The following MUC4 variants were observed in gnomAD, a reference collection of about 807,000 sequenced individuals.
MUC4 encodes the protein mucin 4, cell surface associated, also known as mucin-4.
In MUC4, 202 loss-of-function variants were observed where a neutral mutation model predicts 257.9. That is an observed-to-expected ratio of 0.78 (90% CI 0.70 to 0.88). The LOEUF (loss-of-function observed/expected upper bound fraction) is 0.88. MUC4 is among the 40% of genes least tolerant of loss of function. The probability of loss-of-function intolerance (pLI) is 0.00; values close to 1 mark genes in which losing one functional copy is unlikely to be tolerated. For missense variants in MUC4, 5,976 were observed against 6,513.7 expected, an observed-to-expected ratio of 0.92 and a Z score of 2.84; for synonymous variants, 2,351 against 2,757.1, an observed-to-expected ratio of 0.85 and a Z score of 4.62.
rs369879162 is a variant in MUC4, at chr3:195,755,006, GCTTGAAAA to G, written c.15169-642_15169-635del. 6.3e-4 allele frequency among the ~76,000 whole-genome samples: 35 copies of G among 55,560 alleles called. No individual in the cohort carries two copies. The highest frequency in any genetic ancestry group is 1.1e-3 in the Admixed American group (6 of 5,710). The allele number at this position is 55,560 out of a possible 152,430, so 36.4% of individuals were successfully genotyped here. ...TGTATGTATCCATGTATGTCCTATTGCTTGAAAACTGGATTCCTTATTTATTTTGAGAC... is the reference window on the plus strand; with the variant it reads ...TGTATGTATCCATGTATGTCCTATTGCTGGATTCCTTATTTATTTTGAGAC... On this transcript the variant is annotated intron_variant, in intron 18 of 24. Coordinates refer to ENST00000463781, the MANE Select transcript of MUC4 (RefSeq NM_018406.7). This position sits in a 1 kb window ranked among gnomAD's most constrained non-coding sequence, Gnocchi z 5.0.
At position 195,790,118 on chromosome 3, in the gene MUC4, A is replaced by T; in HGVS notation, c.1462T>A (p.Trp488Arg). ...CCTTTGCTGGAGAATGAGGAAGGCC[A>T]TGTTGTTGTTTCATGTAGAGTAAAT... ...EIFTLHETTT[W>R]PSSFSSKGHT... Residue 488 changes from tryptophan to arginine, a missense_variant, in exon 2 of 25, where the codon TGG (tryptophan) becomes AGG (arginine). Trp to Arg is a moderately radical substitution (Grantham distance 101). Transcript: ENST00000463781. 6.2e-7 allele frequency: 1 copy of T among 1,613,994 alleles called. No individual in the cohort carries two copies. The highest frequency in any genetic ancestry group is 1.1e-5 in the South Asian group (1 of 91,086).
chr3:195,762,399 C>T (rs1358901092), intron 13 of MUC4, 145 bp from the exon 14 acceptor site: 17 of 909,204 alleles, frequency 1.9e-5, no homozygotes, highest in Non-Finnish European at 2.6e-5. Context: ...GAGAAGAGGC[C>T]GGCGAGCTGC....
At chr3:195,808,407 G>C (rs556880714) in intron 1 of MUC4, among the ~76,000 whole-genome samples, 20 of 152,102 alleles carry the variant, frequency 1.3e-4, no homozygotes, top group Non-Finnish European at 2.6e-4. Context: ...GTGGAGACAG[G>C]GTTGGCCAAG....
Position 195,788,771 on chromosome 3 carries a change from G to A in MUC4, c.2809C>T (p.Pro937Ser), listed in dbSNP as rs758163619. Reference sequence around the variant, plus strand: ...GTGGATGTGATCGATGGAGGTGTGGGTGGGACTGTTGAGAAGGTGTCGGTT... The same window carrying A: ...GTGGATGTGATCGATGGAGGTGTGGATGGGACTGTTGAGAAGGTGTCGGTT... Reference protein sequence around the residue: ...QATDTFSTVPPTPPSITSTGL... With the variant: ...QATDTFSTVPSTPPSITSTGL... Residue 937 changes from proline (P) to serine (S), a missense_variant, in exon 2 of 25, where the codon CCC becomes TCC. Pro to Ser is a moderately conservative substitution (Grantham distance 74, BLOSUM62 -1). Coordinates refer to ENST00000463781, the MANE Select transcript of MUC4 (RefSeq NM_018406.7). 1 of 1,613,824 alleles carries A rather than the reference G, an allele frequency of 6.2e-7. No individual in the cohort carries two copies. The highest frequency in any genetic ancestry group is 8.5e-7 in the Non-Finnish European group (1 of 1,179,862).
At chr3:195,805,609 G>A (rs962590673) in intron 1 of MUC4, among the ~76,000 whole-genome samples, 4 of 152,108 alleles carry the variant, frequency 2.6e-5, no homozygotes, top group Non-Finnish European at 5.9e-5. Flanking sequence ...TGCTTCTCCT[G>A]CCTCAGCCTC....
chr3:195,751,440 G>A, intron 21 of MUC4, 169 bp from the exon 22 acceptor site: 2 of 637,278 alleles, frequency 3.1e-6, no homozygotes, highest in Admixed American at 2.6e-5. Flanking sequence ...GCCTAGCTCA[G>A]TGAGTGTCAT....
intron 1 of MUC4, chr3:195,809,892 G>C (rs1736473385): frequency 6.6e-6 from 1 of 152,332 alleles, no homozygotes; most frequent in African/African-American, 2.4e-5. Context: ...GCAGGGCCTG[G>C]TCACAGGGGC....
At chr3:195,767,522 C>CCACCACCACCATCATCATCACCAT (rs1720968533) in intron 7 of MUC4, among the ~76,000 whole-genome samples, 1 of 115,248 alleles carries the variant, frequency 8.7e-6, no homozygotes, top group Non-Finnish European at 1.8e-5. Flanking sequence ...ACCATCACCA[C>CCACCACCACCATCATCATCACCAT]CACCATCGCC....
At position 195,780,485 on chromosome 3, in the gene MUC4, CA is replaced by C; in HGVS notation, c.11094del (p.Val3699SerfsTer560). 6.5e-7 allele frequency: 1 copy of C among 1,527,876 alleles called. No individual in the cohort carries two copies. The highest frequency in any genetic ancestry group is 8.8e-7 in the Non-Finnish European group (1 of 1,141,304). The allele number at this position is 1,527,876 out of a possible 1,614,324, so 94.6% of individuals were successfully genotyped here. Reference sequence around the variant, plus strand: ...GAGGATGATGAGGAAGGGATGGTGACAGGAAGAGGGGTGGCCTGACCTGTGG... The same window carrying C: ...GAGGATGATGAGGAAGGGATGGTGACGGAAGAGGGGTGGCCTGACCTGTGG... ...SASTGQATPL[P>X]VTIPSSSSSG... is the part of the protein sequence containing the mutation. On this transcript the variant is annotated frameshift_variant, in exon 2 of 25. Coordinates refer to ENST00000463781, the MANE Select transcript of MUC4 (RefSeq NM_018406.7). LOFTEE classifies it high-confidence loss of function.
At position 195,789,573 on chromosome 3, in the gene MUC4, A is replaced by C; in HGVS notation, c.2007T>G (p.Ser669=). Residue 669 remains serine, a synonymous_variant, in exon 2 of 25, where the codon TCT becomes TCG. Coordinates refer to ENST00000463781, the MANE Select transcript of MUC4 (RefSeq NM_018406.7). ...GCGAGTGCCCACTGGCTGTGAAGGA[A>C]GAACCTGGGGTGGTGACTGTCTTGG... ...TDTKTVTTPG[S]SFTASGHSPS... is the part of the protein sequence containing the mutation. 6.2e-7 allele frequency: 1 copy of C among 1,613,840 alleles called. No individual in the cohort carries two copies. Among genetic ancestry groups the C allele is most frequent in the Non-Finnish European group, 8.5e-7 (1 of 1,179,848 alleles).
Position 195,782,897 on chromosome 3 carries a change from T to G in MUC4, c.8683A>C (p.Thr2895Pro), listed in dbSNP as rs747495329. 6.6e-7 allele frequency: 1 copy of G among 1,517,466 alleles called. No individual in the cohort carries two copies. The highest frequency in any genetic ancestry group is 8.9e-7 in the Non-Finnish European group (1 of 1,125,662). The allele number at this position is 1,517,466 out of a possible 1,614,324, so 94.0% of individuals were successfully genotyped here. ...DASSVSTGHA[T>P]PLPLTSLSSV... is the part of the protein sequence containing the mutation. ...GAAAGGCTGGTGAGAGGAAGAGGGG[T>G]AGCGTGACCTGTGGACACTGAGGAA... The change falls in exon 2 of 25, where the codon ACC (threonine) becomes CCC (proline). Residue 2895 changes from threonine (T) to proline (P), a missense_variant. Around this residue, in one of 44 missense-constraint regions of MUC4, gnomAD observed 228 missense variants for 206.3 expected, o/e 1.11. Coordinates refer to ENST00000463781, the MANE Select transcript of MUC4 (RefSeq NM_018406.7).
At chr3:195,766,161 A>G (rs1308879789) in intron 8 of MUC4, among the ~76,000 whole-genome samples, 1 of 152,102 alleles carries the variant, frequency 6.6e-6, no homozygotes, top group African/African-American at 2.4e-5. Context: ...GAATTTCACC[A>G]TGTTGGCCAG....
intron 3 of MUC4, among the ~76,000 whole-genome samples, chr3:195,775,247 T>A (rs1724110959): frequency 6.6e-6 from 1 of 152,072 alleles, no homozygotes; most frequent in African/African-American, 2.4e-5. Context: ...CTGGCTCCCG[T>A]TGCCTACAGG....
chr3:195,750,941 G>A lies in MUC4; in HGVS notation c.15819C>T (p.Asn5273=), dbSNP rs773068981. The stretch of plus-strand genomic sequence containing the variant: ...CGGAGATGGGCTGGAAGACCACGTC[G>A]TTCCTGGGCTCCTCACTCCTCCGTG... ...HVPRRSEEPR[N]DVVFQPISGE... The change falls in exon 23 of 25, where the codon AAC becomes AAT. Residue 5273 remains asparagine, a synonymous_variant. Coordinates refer to ENST00000463781, the MANE Select transcript of MUC4 (RefSeq NM_018406.7). 9 of 1,613,922 alleles carry A rather than the reference G, an allele frequency of 5.6e-6. No homozygotes were observed. The highest frequency in any genetic ancestry group is 4.0e-5 in the African/African-American group (3 of 74,906).
intron 6 of MUC4, 141 bp downstream of exon 6, chr3:195,770,075 G>C: frequency 1.1e-6 from 1 of 870,884 alleles, no homozygotes; most frequent in South Asian, 2.1e-5. Context: ...GTGGCAGTGG[G>C]GGGGTGGCGG....
Position 195,749,059 on chromosome 3 carries a change from C to T in MUC4, c.15877G>A (p.Val5293Met), listed in dbSNP as rs146801616. The change falls in exon 24 of 25, where the codon GTG becomes ATG. Residue 5293 changes from valine (V) to methionine (M), a missense_variant. Val to Met is a conservative substitution (Grantham distance 21, BLOSUM62 1). Transcript: ENST00000463781. ...EDVRDVTALN[V>M]STLKAYFRCD... ...CTGAAGTAAGCCTTCAGCGTGCTCA[C>T]GTTCACTGTCGGGAAGGACACAGAT... is the stretch of plus-strand genomic sequence containing the variant. 17 of 1,606,716 alleles carry T rather than the reference C, an allele frequency of 1.1e-5. No individual in the cohort carries two copies. Among genetic ancestry groups the T allele is most frequent in the South Asian group, 6.7e-5 (6 of 89,820 alleles).
intron 1 of MUC4, among the ~76,000 whole-genome samples, chr3:195,801,984 C>T (rs1292039079): frequency 6.6e-6 from 1 of 152,158 alleles, no homozygotes; most frequent in Non-Finnish European, 1.5e-5. Context: ...CCAGCCCTTT[C>T]CCTCTCCTGC....
Position 195,789,246 on chromosome 3 carries a change from G to A in MUC4, c.2334C>T (p.Ser778=). Residue 778 remains serine (S), a synonymous_variant, in exon 2 of 25, where the codon AGC becomes AGT. Transcript: ENST00000463781. ...AAMTHTHQAE[S]TEASGQTQTS... ...TCTGTGTTTGTCCAGAGGCCTCTGT[G>A]CTCTCAGCCTGGTGGGTATGGGTCA... is the stretch of plus-strand genomic sequence containing the variant. The A allele has an allele frequency of 6.2e-7, 1 of 1,613,916 alleles. No homozygotes were observed. The highest frequency in any genetic ancestry group is 8.5e-7 in the Non-Finnish European group (1 of 1,179,862).
intron 7 of MUC4, 86 bp from the exon 8 acceptor site, chr3:195,766,837 G>A (rs538016911): frequency 2.5e-5 from 31 of 1,237,922 alleles, no homozygotes; most frequent in Middle Eastern, 5.0e-4. Context: ...CCCGCTAGCC[G>A]GTCAGCAGCT....
Sources: gnomAD v4.1 joint callset for allele counts (sites outside exome capture counted in the v4.1 genomes callset) on GRCh38, gnomAD v4.1.1 for gene constraint, gnomAD v4.1.1 regional missense constraint, Gnocchi (gnomAD v3.1) non-coding constraint, MANE v1.5 for transcripts, NCBI Gene and HGNC (gene_info 2026-07-23, HGNC 2026-07-21) for gene names.